The following KIF27 variants were observed in gnomAD, a reference collection of about 807,000 sequenced individuals.
KIF27 encodes the protein kinesin family member 27.
KIF27 carries 84 observed loss-of-function variants against 141.8 expected under a neutral mutation model. The ratio of observed to expected loss-of-function variants is 0.59; its 90% CI spans 0.50 to 0.71. KIF27 has a LOEUF of 0.71. KIF27 is among the 30% of genes least tolerant of loss of function. The pLI, the probability that KIF27 is intolerant of heterozygous loss-of-function variation, is 0.00. For synonymous variants in KIF27, 471 were observed against 569.5 expected, an observed-to-expected ratio of 0.83 and a Z score of 2.46; for missense variants, 1,306 against 1,628.4, an observed-to-expected ratio of 0.80 and a Z score of 3.41.
At chr9:83,853,989 A>AT (rs1948902565) in intron 14 of KIF27, among the ~76,000 whole-genome samples, 154 bp from the exon 15 acceptor site, 1 of 152,272 alleles carries the variant, frequency 6.6e-6, no homozygotes, top group South Asian at 2.1e-4. Context: ...GCTATGCCAC[A>AT]TAATGCAGTG....
chr9:83,870,220 GCA>G (rs1950662328), intron 12 of KIF27, among the ~76,000 whole-genome samples: 1 of 152,068 alleles, frequency 6.6e-6, no homozygotes. Context: ...AGTCTGGAGT[GCA>G]GTGGCATGGT....
Position 83,864,001 on chromosome 9 carries a change from T to G in KIF27, c.2934+3683A>C, listed in dbSNP as rs1950157144. ...AGTATTCTCTGATGGTAGTTTGTAT[T>G]TCTGTGGGATCGGTGGTGATATCCC... On this transcript the variant is annotated intron_variant, in intron 13 of 17. Coordinates refer to ENST00000297814, the MANE Select transcript of KIF27 (RefSeq NM_017576.4). Among the ~76,000 whole-genome samples, 5 of 152,332 alleles carry G rather than the reference T, an allele frequency of 3.3e-5. No individual in the cohort carries two copies. The South Asian group carries it at 1.0e-3, about 32-fold the overall frequency.
chr9:83,865,165 TG>T (rs1283369307), intron 13 of KIF27, among the ~76,000 whole-genome samples: 6 of 152,216 alleles, frequency 3.9e-5, no homozygotes, highest in African/African-American at 1.4e-4. Flanking sequence ...TTTTCTCTGT[TG>T]TATCTTTCTG....
rs1381754562 is a variant in KIF27 at position 83,859,470 on chromosome 9, T to A, written c.2935-99A>T. On this transcript the variant is annotated intron_variant, in intron 13 of 17. Coordinates refer to ENST00000297814, the MANE Select transcript of KIF27 (RefSeq NM_017576.4). Reference sequence around the variant, plus strand: ...CATAGAGAAAATTGCTAAATGAATATATTTTTAGTTTTTATATTATTGTTT... The same window carrying A: ...CATAGAGAAAATTGCTAAATGAATAAATTTTTAGTTTTTATATTATTGTTT... 3 of 766,918 alleles carry A rather than the reference T, an allele frequency of 3.9e-6. No homozygotes were observed. In the African/African-American group the frequency reaches 5.3e-5, roughly 14 times the overall value. The allele number at this position is 766,918 out of a possible 1,614,324, so 47.5% of individuals were successfully genotyped here. A position where few individuals can be genotyped will look rare whatever the true frequency, so the allele number is the denominator to read the frequency against.
At chr9:83,913,150 C>G (rs7869368) in intron 2 of KIF27, among the ~76,000 whole-genome samples, 26,515 of 151,840 alleles carry the variant, frequency 0.17, 2,868 homozygotes, top group Non-Finnish European at 0.24. Flanking sequence ...GGGTGACAGA[C>G]CAAGGCCCTA....
intron 11 of KIF27, among the ~76,000 whole-genome samples, chr9:83,871,965 G>C (rs536334127): frequency 2.0e-5 from 3 of 150,842 alleles, no homozygotes; most frequent in South Asian, 2.1e-4. Context: ...GCCTCCCAAA[G>C]TGCTGGAATT....
At chr9:83,848,435 T>TG (rs1391869358) in intron 16 of KIF27, among the ~76,000 whole-genome samples, 4 of 134,280 alleles carry the variant, frequency 3.0e-5, no homozygotes, top group Non-Finnish European at 3.2e-5. Context: ...TATCTATATA[T>TG]CATATATGCT....
rs1953382149 is a variant in KIF27 at position 83,897,412 on chromosome 9, A to C, written c.1602+2249T>G. Among the ~76,000 whole-genome samples the C allele has an allele frequency of 1.3e-5, 2 of 152,190 alleles. 1 individual carries two copies. The highest frequency in any genetic ancestry group is 4.1e-4 in the South Asian group (2 of 4,832). On this transcript the variant is annotated intron_variant, in intron 5 of 17. Transcript: ENST00000297814. Reference sequence around the variant, plus strand: ...GATGCTAGAACAAATGAATATCTATATGTTTAAAAAATGAAATTTGATCTT... The same window carrying C: ...GATGCTAGAACAAATGAATATCTATCTGTTTAAAAAATGAAATTTGATCTT...
chr9:83,881,524 A>G (rs954509165), intron 10 of KIF27, among the ~76,000 whole-genome samples: 3 of 152,194 alleles, frequency 2.0e-5, no homozygotes, highest in Non-Finnish European at 4.4e-5. Flanking sequence ...GTTCACAGAC[A>G]TTGTTGTCAA....
At chr9:83,848,678 T>G (rs1948164667) in intron 16 of KIF27, 1 of 151,388 alleles carries the variant, frequency 6.6e-6, no homozygotes, top group Admixed American at 6.6e-5. Context: ...GGGGTCCCAC[T>G]ATGCTGCCCA....
rs1346237526 is a variant in KIF27, at chr9:83,850,840, T to C, written c.3358-543A>G. Among the ~76,000 whole-genome samples the C allele has an allele frequency of 9.7e-5, 11 of 113,380 alleles. No homozygotes were observed. The South Asian group carries it at 1.7e-3, about 17-fold the overall frequency. 74.4% of individuals were successfully genotyped at this position (113,380 alleles called of 152,430 possible). A position where few individuals can be genotyped will look rare whatever the true frequency, so the allele number is the denominator to read the frequency against. Reference sequence around the variant, plus strand: ...AATTGATGACATTTTCTTTTTTTTTTTTTTTTTTTTTTTTTTTTGAGGAGT... The same window carrying C: ...AATTGATGACATTTTCTTTTTTTTTCTTTTTTTTTTTTTTTTTTGAGGAGT... On this transcript the variant is annotated intron_variant, in intron 15 of 17. Transcript: ENST00000297814.
intron 15 of KIF27, among the ~76,000 whole-genome samples, chr9:83,851,037 C>T (rs1266525520): frequency 2.0e-5 from 3 of 150,956 alleles, no homozygotes; most frequent in African/African-American, 4.9e-5. Context: ...GGGGTTTCAC[C>T]GTGTTAGCTA....
Position 83,915,413 on chromosome 9 carries a change from A to T in KIF27, c.179T>A (p.Val60Asp). Residue 60 changes from valine (V) to aspartate (D), a missense_variant, in exon 2 of 18, where the codon GTT (valine) becomes GAT (aspartate). Val to Asp is a radical substitution (Grantham distance 152). This residue lies in a region of KIF27 where 533 missense variants were observed against 565.6 expected (regional missense o/e 0.94). Transcript: ENST00000297814. The part of the protein sequence containing the change: ...VFGKNSTQDE[V>D]YNTCIKPLVL... ...TAGGGGCTTTATACATGTGTTATAA[A>T]CTTCATCTTGAGTGGAATTTTTGCC... is the stretch of plus-strand genomic sequence containing the variant. The T allele has an allele frequency of 6.2e-7, 1 of 1,613,870 alleles. No individual in the cohort carries two copies. Among genetic ancestry groups the T allele is most frequent in the Non-Finnish European group, 8.5e-7 (1 of 1,179,812 alleles).
chr9:83,869,266 A>G (rs1291966465), intron 12 of KIF27, among the ~76,000 whole-genome samples: 2 of 152,126 alleles, frequency 1.3e-5, no homozygotes, highest in Non-Finnish European at 2.9e-5. Context: ...GGTATTTTAA[A>G]TACAGTATTT....
intron 16 of KIF27, among the ~76,000 whole-genome samples, chr9:83,846,329 T>C (rs952952666): frequency 1.2e-4 from 19 of 152,284 alleles, no homozygotes; most frequent in Non-Finnish European, 2.2e-4. Context: ...TTACCATCCA[T>C]GGACTCACAG....
intron 3 of KIF27, among the ~76,000 whole-genome samples, chr9:83,905,222 C>G (rs1355273164): frequency 6.6e-6 from 1 of 151,964 alleles, no homozygotes; most frequent in East Asian, 1.9e-4. Flanking sequence ...GGGTTCACAC[C>G]ATTCTCCTGC....
At chr9:83,894,170 T>C (rs1952944792) in intron 5 of KIF27, among the ~76,000 whole-genome samples, 1 of 152,116 alleles carries the variant, frequency 6.6e-6, no homozygotes, top group African/African-American at 2.4e-5. Context: ...CAACCAAACA[T>C]TTAAGAAAGA....
chr9:83,914,621 A>C (rs1193745505), intron 2 of KIF27, among the ~76,000 whole-genome samples: 2 of 152,196 alleles, frequency 1.3e-5, no homozygotes, highest in Non-Finnish European at 2.9e-5. Flanking sequence ...ATACTAACTA[A>C]AACTTTAGAC....
chr9:83,864,749 G>T (rs541874246), intron 13 of KIF27, among the ~76,000 whole-genome samples: 1 of 152,294 alleles, frequency 6.6e-6, no homozygotes, highest in African/African-American at 2.4e-5. Context: ...CTGTCTCATG[G>T]ATCTGTCTAA....
Sources: gnomAD v4.1 joint callset for allele counts (sites outside exome capture counted in the v4.1 genomes callset) on GRCh38, gnomAD v4.1.1 for gene constraint, gnomAD v4.1.1 regional missense constraint, MANE v1.5 for transcripts, NCBI Gene and HGNC (gene_info 2026-07-23, HGNC 2026-07-21) for gene names.